Variants in TDRD3 observed in about 807,000 individuals in gnomAD.
The protein encoded by TDRD3 is tudor domain containing 3, also known as tudor domain-containing protein 3.
In TDRD3, 45 loss-of-function variants were observed where a neutral mutation model predicts 86.7. That is an observed-to-expected ratio of 0.52 (90% CI 0.41 to 0.67). TDRD3 has a LOEUF of 0.67. Among genes scored for constraint, TDRD3 ranks in the 30% least tolerant of loss-of-function variants. The pLI is 0.00. For synonymous variants in TDRD3, 298 were observed against 301.7 expected (o/e 0.99, Z 0.13); for missense variants, 814 against 889.0 (o/e 0.92, Z 1.07).
At position 60,510,741 on chromosome 13, in the gene TDRD3, C is replaced by T. The variant is rs1957039198; in HGVS notation, c.1127C>T (p.Thr376Ile). ...GATTTCTTGGAATCTAAAATGGGAA[C>T]TTTGAATGTGGAAGGTAAGCTAATT... ...LFDFLESKMGTLNVEEPKSQP... is the reference protein window; with the variant it reads ...LFDFLESKMGILNVEEPKSQP... The change falls in exon 10 of 14, where the codon ACT (threonine) becomes ATT (isoleucine). Residue 376 changes from threonine to isoleucine, a missense_variant. Thr to Ile is a moderately conservative substitution (Grantham distance 89). Coordinates refer to ENST00000377881, the MANE Select transcript of TDRD3 (RefSeq NM_001146070.2). 2 of 1,569,484 alleles carry T rather than the reference C, an allele frequency of 1.3e-6. No individual in the cohort carries two copies.
chr13:60,478,802 T>G (rs892490407), intron 5 of TDRD3, among the ~76,000 whole-genome samples: 1 of 65,434 alleles, frequency 1.5e-5, no homozygotes, highest in African/African-American at 5.7e-5. Flanking sequence ...ATTTGAGGAC[T>G]TTTTTTTTTT....
rs34449105 is a variant in TDRD3 at position 60,478,291 on chromosome 13, A to AT, written c.496-5456dup. Among the ~76,000 whole-genome samples, 720 of 74,348 alleles carry AT rather than the reference A, an allele frequency of 9.7e-3. 82 individuals carry two copies. The highest frequency in any genetic ancestry group is 0.034 in the East Asian group (116 of 3,430). The allele number at this position is 74,348 out of a possible 152,430, so 48.8% of individuals were successfully genotyped here. Reference sequence around the variant, plus strand: ...TGTTAATCTAGCTAGCAGTCTACCAATTTTTTTTTTTTTTTTTTTTTTTTT... The same window carrying AT: ...TGTTAATCTAGCTAGCAGTCTACCAATTTTTTTTTTTTTTTTTTTTTTTTTT... On this transcript the variant is annotated intron_variant, in intron 5 of 13. Transcript: ENST00000377881.
upstream of TDRD3, chr13:60,397,214 G>A (rs1194312751): frequency 2.3e-6 from 1 of 433,660 alleles, no homozygotes; most frequent in East Asian, 3.6e-5. Flanking sequence ...CGGAAGCGCC[G>A]GCCGCACTGA....
intron 1 of TDRD3, among the ~76,000 whole-genome samples, chr13:60,426,140 T>A (rs9598131): frequency 0.23 from 35,017 of 151,968 alleles, 4,450 homozygotes; most frequent in Non-Finnish European, 0.28. Flanking sequence ...AATGGACCTA[T>A]AGGATGTTAT....
intron 3 of TDRD3, among the ~76,000 whole-genome samples, chr13:60,446,958 T>C (rs745803238): frequency 6.6e-6 from 1 of 152,194 alleles, no homozygotes; most frequent in Non-Finnish European, 1.5e-5. Flanking sequence ...CTTGTTTAAA[T>C]CAACTTTGTT....
chr13:60,478,732 G>A (rs1956248546), intron 5 of TDRD3, among the ~76,000 whole-genome samples: 1 of 151,110 alleles, frequency 6.6e-6, no homozygotes, highest in Non-Finnish European at 1.5e-5. Context: ...TCTTCTGCTA[G>A]CTTCAGGGTT....
At chr13:60,395,766 T>C (rs1594879097), upstream of TDRD3, among the ~76,000 whole-genome samples, 1 of 152,366 alleles carries the variant, frequency 6.6e-6, no homozygotes, top group African/African-American at 2.4e-5. Flanking sequence ...ACCTTTAAAA[T>C]GGCATATCTA....
At chr13:60,508,966 C>T (rs1449386597) in intron 8 of TDRD3, among the ~76,000 whole-genome samples, 2 of 152,138 alleles carry the variant, frequency 1.3e-5, no homozygotes, top group African/African-American at 2.4e-5. Context: ...TTGGACTTAA[C>T]TAGAGAAAGA....
chr13:60,501,444 T>C (rs1956830512), intron 8 of TDRD3, among the ~76,000 whole-genome samples: 1 of 152,218 alleles, frequency 6.6e-6, no homozygotes, highest in Non-Finnish European at 1.5e-5. Flanking sequence ...AACACTAATA[T>C]AAATGGAACA....
intron 1 of TDRD3, among the ~76,000 whole-genome samples, chr13:60,426,890 T>G (rs1954826382): frequency 6.6e-6 from 1 of 152,254 alleles, no homozygotes; most frequent in Admixed American, 6.5e-5. Context: ...TATTGCCGAC[T>G]ACGCGCATAG....
intron 1 of TDRD3, among the ~76,000 whole-genome samples, chr13:60,414,062 T>C (rs907085765): frequency 9.9e-5 from 15 of 152,192 alleles, no homozygotes; most frequent in Admixed American, 5.2e-4. Context: ...ATTTGCCTTA[T>C]ATTTTTATAA....
chr13:60,428,991 T>C (rs1454080571), intron 1 of TDRD3, among the ~76,000 whole-genome samples: 1 of 152,158 alleles, frequency 6.6e-6, no homozygotes, highest in African/African-American at 2.4e-5. Flanking sequence ...GAAAAAAATA[T>C]CTAATTTATT....
At chr13:60,526,616 GTTTT>G (rs76831708) in intron 10 of TDRD3, among the ~76,000 whole-genome samples, 2 of 132,258 alleles carry the variant, frequency 1.5e-5, no homozygotes, top group African/African-American at 2.8e-5. Flanking sequence ...TTGGGGGAAA[GTTTT>G]TTTTTTTTTT....
intron 3 of TDRD3, among the ~76,000 whole-genome samples, chr13:60,449,653 C>G (rs777244634): frequency 1.3e-5 from 2 of 151,914 alleles, no homozygotes; most frequent in Non-Finnish European, 2.9e-5. Context: ...GGGAATCTTA[C>G]GTTTGCAAAA....
At chr13:60,516,111 T>A (rs907664829) in intron 10 of TDRD3, among the ~76,000 whole-genome samples, 1 of 152,154 alleles carries the variant, frequency 6.6e-6, no homozygotes, top group African/African-American at 2.4e-5. Flanking sequence ...ATATTTAGGG[T>A]TTAAAAAGTT....
At chr13:60,545,370 G>A (rs969162975) in intron 12 of TDRD3, among the ~76,000 whole-genome samples, 1 of 152,066 alleles carries the variant, frequency 6.6e-6, no homozygotes, top group Non-Finnish European at 1.5e-5. Context: ...CTTTTATCAT[G>A]TCTGATTATG....
chr13:60,469,933 G>T (rs1353415346), intron 5 of TDRD3, among the ~76,000 whole-genome samples: 1 of 152,102 alleles, frequency 6.6e-6, no homozygotes, highest in East Asian at 1.9e-4. Context: ...GTAAATTTCA[G>T]TGGCATTAAG....
intron 1 of TDRD3, among the ~76,000 whole-genome samples, chr13:60,437,401 G>C (rs11148499): frequency 0.2 from 29,979 of 151,688 alleles, 3,587 homozygotes; most frequent in South Asian, 0.29. Flanking sequence ...GCTGGGGTTA[G>C]AGGCGTGAGC....
intron 1 of TDRD3, among the ~76,000 whole-genome samples, chr13:60,413,703 T>C (rs1393315285): frequency 6.6e-6 from 1 of 152,170 alleles, no homozygotes; most frequent in Non-Finnish European, 1.5e-5. Context: ...GTGTCACCTT[T>C]GGAAAAAGTT....
Sources: gnomAD v4.1 joint callset for allele counts (sites outside exome capture counted in the v4.1 genomes callset) on GRCh38, gnomAD v4.1.1 for gene constraint, MANE v1.5 for transcripts, NCBI Gene and HGNC (gene_info 2026-07-23, HGNC 2026-07-21) for gene names.